The following ADSL variants were observed in gnomAD, a reference collection of about 807,000 sequenced individuals.
ADSL encodes the protein adenylosuccinate lyase, also known as adenylosuccinase.
A neutral mutation model predicts 62.1 loss-of-function variants in ADSL; 44 were observed. The ratio of observed to expected loss-of-function variants is 0.71; its 90% CI spans 0.56 to 0.91. The LOEUF (loss-of-function observed/expected upper bound fraction) is 0.91. Ranked by LOEUF, ADSL falls within the 40% of genes least tolerant of loss-of-function variation. ADSL has a pLI of 0.00. For synonymous variants in ADSL, 198 were observed against 220.5 expected, an observed-to-expected ratio of 0.90 and a Z score of 0.90; for missense variants, 531 against 627.4, an observed-to-expected ratio of 0.85 and a Z score of 1.64.
chr22:40,359,167 G>T (rs1329939750), intron 5 of ADSL, 93 bp from the exon 6 acceptor site: 2 of 1,582,630 alleles, frequency 1.3e-6, no homozygotes, highest in Non-Finnish European at 1.7e-6. Flanking sequence ...AAGTTGTGGG[G>T]GTTAGGGAGC....
intron 4 of ADSL, among the ~76,000 whole-genome samples, chr22:40,356,401 G>A (rs544611395): frequency 4.0e-5 from 6 of 151,858 alleles, no homozygotes; most frequent in Non-Finnish European, 8.8e-5. Flanking sequence ...TGGGTGTGGT[G>A]GCAGATGCCT....
intron 12 of ADSL, among the ~76,000 whole-genome samples, chr22:40,365,345 A>G (rs1013045980): frequency 2.0e-5 from 3 of 152,006 alleles, no homozygotes; most frequent in Non-Finnish European, 2.9e-5. Context: ...AGCTGCCTTT[A>G]TTTCTTTGTG....
Position 40,356,188 on chromosome 22 carries a change from C to T in ADSL, c.482+1861C>T, listed in dbSNP as rs565647536. On this transcript the variant is annotated intron_variant, in intron 4 of 12. Coordinates refer to ENST00000623063, the MANE Select transcript of ADSL (RefSeq NM_000026.4). ...TTGCACTCCAGCCTAGGTGACAGAG[C>T]GAGACTCCACCTCAAAAAAAAAAAA... 1.2e-4 allele frequency among the ~76,000 whole-genome samples: 17 copies of T among 144,712 alleles called. No individual in the cohort carries two copies. The South Asian group carries it at 1.8e-3, about 15-fold the overall frequency. 94.9% of individuals were successfully genotyped at this position (144,712 alleles called of 152,430 possible). A position where few individuals can be genotyped will look rare whatever the true frequency, so the allele number is the denominator to read the frequency against.
chr22:40,363,413 G>T (rs961654289), intron 10 of ADSL, among the ~76,000 whole-genome samples: 1 of 152,146 alleles, frequency 6.6e-6, no homozygotes, highest in African/African-American at 2.4e-5. Flanking sequence ...TTGAGGCTGA[G>T]CACTGATATG....
Position 40,359,316 on chromosome 22 carries a change from T to C in ADSL, c.701+10T>C. 6.2e-7 allele frequency: 1 copy of C among 1,613,708 alleles called. No individual in the cohort carries two copies. The highest frequency in any genetic ancestry group is 8.5e-7 in the Non-Finnish European group (1 of 1,179,678). On this transcript the variant is annotated intron_variant, in intron 6 of 12. Transcript: ENST00000623063. ...AGGCAGGATTTAAGAGGTAGGTAAA[T>C]GGGAATGTGTTGGCCTCCCTGTTAA...
At chr22:40,386,562 C>CTTTTTTT (rs60319316) in intron 2 of ADSL, among the ~76,000 whole-genome samples, 5 of 68,366 alleles carry the variant, frequency 7.3e-5, no homozygotes, top group Non-Finnish European at 1.4e-4. Flanking sequence ...AATTTTCTTA[C>CTTTTTTT]TTTTTTTTTT....
At chr22:40,387,324 G>A in intron 2 of ADSL, 1 of 397,358 alleles carries the variant, frequency 2.5e-6, no homozygotes. Flanking sequence ...TTAGGGTAAT[G>A]TTATGTAGGT....
chr22:40,376,814 TAG>T (rs761227869), intron 2 of ADSL, among the ~76,000 whole-genome samples: 22 of 152,102 alleles, frequency 1.4e-4, no homozygotes, highest in Admixed American at 5.2e-4. Flanking sequence ...AATCAAGAAA[TAG>T]AGTAGTTTTG....
chr22:40,372,005 A>G (rs527703286), downstream of ADSL, among the ~76,000 whole-genome samples: 8 of 150,352 alleles, frequency 5.3e-5, no homozygotes, highest in South Asian at 1.7e-3. Flanking sequence ...AGGCCCGATT[A>G]ATTTGTAATT....
intron 2 of ADSL, among the ~76,000 whole-genome samples, chr22:40,384,310 T>G (rs906455459): frequency 2.6e-5 from 4 of 151,940 alleles, no homozygotes; most frequent in Non-Finnish European, 4.4e-5. Context: ...TCTGAATGTC[T>G]TGGGAGAAGA....
At chr22:40,353,917 C>T (rs1466450146) in intron 3 of ADSL, 3 of 401,636 alleles carry the variant, frequency 7.5e-6, no homozygotes, top group African/African-American at 6.2e-5. Context: ...TGAGCCACCG[C>T]GCCCGGCCCA....
chr22:40,367,349 C>G lies in ADSL; in HGVS notation c.*827C>G, dbSNP rs1434044727. The G allele has an allele frequency of 1.3e-5, 2 of 155,518 alleles. No homozygotes were observed. Among genetic ancestry groups the G allele is most frequent in the African/African-American group, 4.8e-5 (2 of 41,576 alleles). 9.6% of individuals were successfully genotyped at this position (155,518 alleles called of 1,614,324 possible). ...ATGGAGTTTTGCCATGTTGGGCGGGCTGGTCTTGAACTCCTGACCTCAAGT... is the reference window on the plus strand; with the variant it reads ...ATGGAGTTTTGCCATGTTGGGCGGGGTGGTCTTGAACTCCTGACCTCAAGT... On this transcript the variant is annotated 3_prime_UTR_variant, in exon 13 of 13. Coordinates refer to ENST00000623063, the MANE Select transcript of ADSL (RefSeq NM_000026.4).
In ADSL at chr22:40,361,623, A is replaced by G; in HGVS notation, c.998A>G (p.Asp333Gly). The G allele has an allele frequency of 6.2e-7, 1 of 1,613,736 alleles. No homozygotes were observed. The highest frequency in any genetic ancestry group is 8.5e-7 in the Non-Finnish European group (1 of 1,180,038). The part of the protein sequence containing the change: ...SVQWFERTLD[D>G]SANRRICLAE... Reference sequence around the variant, plus strand: ...CAGTGGTTTGAACGCACACTGGATGATAGTGCCAACCGGTCAGTGGCACAG... The same window carrying G: ...CAGTGGTTTGAACGCACACTGGATGGTAGTGCCAACCGGTCAGTGGCACAG... The change falls in exon 9 of 13, where the codon GAT becomes GGT. Residue 333 changes from aspartate (D) to glycine (G), a missense_variant. Asp to Gly is a moderately conservative substitution (Grantham distance 94). Transcript: ENST00000623063.
At chr22:40,348,348 A>G in intron 1 of ADSL, 1 of 397,644 alleles carries the variant, frequency 2.5e-6, no homozygotes, top group South Asian at 1.4e-4. Flanking sequence ...CTTGAAATGC[A>G]GCTAGTGTGA....
chr22:40,351,260 T>G (rs1467787922), intron 2 of ADSL, among the ~76,000 whole-genome samples: 1 of 151,844 alleles, frequency 6.6e-6, no homozygotes, highest in African/African-American at 2.4e-5. Flanking sequence ...AACCTCTGCC[T>G]CCCGAGTTCA....
chr22:40,380,295 T>A (rs2047344082), intron 2 of ADSL, among the ~76,000 whole-genome samples: 1 of 152,180 alleles, frequency 6.6e-6, no homozygotes, highest in Non-Finnish European at 1.5e-5. Flanking sequence ...GTAAACATTC[T>A]GGCATTTATT....
chr22:40,353,206 AT>A, intron 3 of ADSL, 89 bp downstream of exon 3: 1 of 1,014,746 alleles, frequency 9.9e-7, no homozygotes, highest in Non-Finnish European at 1.6e-6. Context: ...CACAGTGTAA[AT>A]TTTTACATAG....
intron 2 of ADSL, among the ~76,000 whole-genome samples, chr22:40,379,968 C>G (rs1246486172): frequency 6.6e-6 from 1 of 152,138 alleles, no homozygotes; most frequent in Non-Finnish European, 1.5e-5. Flanking sequence ...TCCTCGGCCT[C>G]CTAAAGTGCT....
chr22:40,353,621 C>CTTCT lies in ADSL; in HGVS notation c.402+506_402+507insCTTT, dbSNP rs1555905988. ...GACTAAATGGTTTTTAAAGCATAGC[C>CTTCT]TTTTTTTTTTTTTTTTTTTTTTGAG... On this transcript the variant is annotated intron_variant, in intron 3 of 12. Coordinates refer to ENST00000623063, the MANE Select transcript of ADSL (RefSeq NM_000026.4). Among the ~76,000 whole-genome samples the CTTCT allele has an allele frequency of 2.6e-4, 30 of 114,758 alleles. 1 individual carries two copies. Among genetic ancestry groups the CTTCT allele is most frequent in the Admixed American group, 3.2e-4 (3 of 9,284 alleles). 75.3% of individuals were successfully genotyped at this position (114,758 alleles called of 152,430 possible).
Sources: allele counts gnomAD v4.1 joint callset (sites outside exome capture counted in the v4.1 genomes callset), GRCh38; gene constraint gnomAD v4.1.1; transcripts MANE v1.5; gene names NCBI Gene and HGNC (gene_info 2026-07-23, HGNC 2026-07-21).